Variants in CPE observed in about 807,000 individuals in gnomAD.
CPE encodes carboxypeptidase E.
A neutral mutation model predicts 53.5 loss-of-function variants in CPE; 17 were observed. The ratio of observed to expected loss-of-function variants is 0.32; its 90% confidence interval spans 0.22 to 0.48. The LOEUF is 0.48. CPE is among the 20% of genes least tolerant of loss of function. The pLI, the probability that CPE is intolerant of heterozygous loss-of-function variation, is 0.99. For synonymous variants in CPE, 226 were observed against 228.8 expected, an observed-to-expected ratio of 0.99 and a Z score of 0.11; for missense variants, 524 against 614.7, an observed-to-expected ratio of 0.85 and a Z score of 1.56.
chr4:165,466,151 T>C (rs1438115), intron 2 of CPE, among the ~76,000 whole-genome samples: 4,028 of 152,266 alleles, frequency 0.026, 186 homozygotes, highest in African/African-American at 0.093. Context: ...TGGTGTAGCC[T>C]ACTACACACC....
intron 1 of CPE, among the ~76,000 whole-genome samples, chr4:165,452,516 C>T (rs1483611849): frequency 2.6e-5 from 4 of 151,984 alleles, no homozygotes; most frequent in African/African-American, 9.7e-5. Flanking sequence ...CTGATTCTGA[C>T]TTATAAATGT....
intron 1 of CPE, among the ~76,000 whole-genome samples, chr4:165,463,339 A>T (rs927862006): frequency 2.0e-5 from 3 of 152,246 alleles, no homozygotes; most frequent in African/African-American, 7.2e-5. Flanking sequence ...GGAAACATAT[A>T]GCACTTGCTA....
intron 1 of CPE, among the ~76,000 whole-genome samples, chr4:165,460,513 T>C (rs1224660523): frequency 1.3e-5 from 2 of 152,198 alleles, no homozygotes; most frequent in African/African-American, 4.8e-5. Flanking sequence ...CTAGAGCCTG[T>C]TGGCTAGAGC....
At chr4:165,493,390 T>G in intron 7 of CPE, 120 bp downstream of exon 7, 1 of 700,332 alleles carries the variant, frequency 1.4e-6, no homozygotes, top group Non-Finnish European at 2.3e-6. Context: ...TCTACAGCGT[T>G]TCTCAGCTTT....
chr4:165,478,784 T>C (rs1326410863), intron 3 of CPE, among the ~76,000 whole-genome samples: 1 of 152,230 alleles, frequency 6.6e-6, no homozygotes, highest in Non-Finnish European at 1.5e-5. Flanking sequence ...TGGCTTTGCC[T>C]CCTAACTCCC....
chr4:165,407,019 G>A (rs1730964577), intron 1 of CPE, among the ~76,000 whole-genome samples: 1 of 152,072 alleles, frequency 6.6e-6, no homozygotes, highest in Non-Finnish European at 1.5e-5. Context: ...TCAATTTTTT[G>A]TCTATCATGA....
intron 3 of CPE, among the ~76,000 whole-genome samples, chr4:165,479,352 C>G (rs1266244748): frequency 2.0e-5 from 3 of 152,046 alleles, no homozygotes; most frequent in Non-Finnish European, 4.4e-5. Flanking sequence ...TGAGACAAAT[C>G]CATCTCATAA....
intron 1 of CPE, among the ~76,000 whole-genome samples, chr4:165,441,480 G>C (rs1401745429): frequency 3.9e-5 from 6 of 152,030 alleles, no homozygotes; most frequent in African/African-American, 7.2e-5. Flanking sequence ...TGGGGTTTTG[G>C]GGGCTCTCTC....
At chr4:165,470,528 G>A (rs184637167) in intron 3 of CPE, among the ~76,000 whole-genome samples, 1 of 152,270 alleles carries the variant, frequency 6.6e-6, no homozygotes, top group East Asian at 1.9e-4. Flanking sequence ...CGTCTTATCA[G>A]GAAGCCGATC....
At chr4:165,387,607 A>G (rs919512658) in intron 1 of CPE, among the ~76,000 whole-genome samples, 3 of 151,796 alleles carry the variant, frequency 2.0e-5, no homozygotes, top group Non-Finnish European at 4.4e-5. Flanking sequence ...TCGGGAGTTC[A>G]AGACCAGCCT....
chr4:165,389,117 G>T (rs1156732593), intron 1 of CPE, among the ~76,000 whole-genome samples: 2 of 152,068 alleles, frequency 1.3e-5, no homozygotes, highest in Admixed American at 1.3e-4. Flanking sequence ...TAAAAATATA[G>T]AGATAGATAA....
chr4:165,486,514 C>T (rs776986579), intron 5 of CPE, among the ~76,000 whole-genome samples: 1 of 152,138 alleles, frequency 6.6e-6, no homozygotes, highest in Admixed American at 6.5e-5. Flanking sequence ...AACTGGGTCA[C>T]ACAAACCTGC....
intron 1 of CPE, among the ~76,000 whole-genome samples, chr4:165,382,731 C>G (rs1730522750): frequency 6.6e-6 from 1 of 152,182 alleles, no homozygotes; most frequent in Admixed American, 6.5e-5. Context: ...TTTGTTGATA[C>G]AATTAGCTCT....
At position 165,400,271 on chromosome 4, in the gene CPE, C is replaced by A. The variant is rs968062015; in HGVS notation, c.307+20743C>A. Reference sequence around the variant, plus strand: ...GAGGAAAAGATTTAGGAATCACTTGCATGACTGGTGAGGGTGAAAATGGTG... The same window carrying A: ...GAGGAAAAGATTTAGGAATCACTTGAATGACTGGTGAGGGTGAAAATGGTG... On this transcript the variant is annotated intron_variant, in intron 1 of 8. Coordinates refer to ENST00000402744, the MANE Select transcript of CPE (RefSeq NM_001873.4). 5.3e-5 allele frequency among the ~76,000 whole-genome samples: 8 copies of A among 152,152 alleles called. 1 individual carries two copies. The highest frequency in any genetic ancestry group is 5.2e-4 in the Admixed American group (8 of 15,284).
At chr4:165,420,021 T>C (rs941938086) in intron 1 of CPE, among the ~76,000 whole-genome samples, 3 of 152,202 alleles carry the variant, frequency 2.0e-5, no homozygotes, top group South Asian at 2.1e-4. Context: ...GATATATGCA[T>C]ACATAATTGC....
chr4:165,428,241 T>C lies in CPE; in HGVS notation c.308-36149T>C, dbSNP rs1441763938. On this transcript the variant is annotated intron_variant, in intron 1 of 8. Coordinates refer to ENST00000402744, the MANE Select transcript of CPE (RefSeq NM_001873.4). ...TTAATTTTTAAACTTTTTTCATTTT[T>C]TGTAGGGGTCTCACTTTGTTGACTC... Among the ~76,000 whole-genome samples, 4 of 152,256 alleles carry C rather than the reference T, an allele frequency of 2.6e-5. No homozygotes were observed. In the East Asian group the frequency reaches 7.7e-4, roughly 29 times the overall value.
At chr4:165,415,627 TAAATGATGTAG>T (rs1731107566) in intron 1 of CPE, among the ~76,000 whole-genome samples, 3 of 152,296 alleles carry the variant, frequency 2.0e-5, no homozygotes, top group Admixed American at 2.0e-4. Flanking sequence ...GTGTATAATT[TAAATGATGTAG>T]AAATATAGAG....
In CPE at chr4:165,413,867, A is replaced by G. The variant is rs549644223; in HGVS notation, c.307+34339A>G. 2.6e-5 allele frequency among the ~76,000 whole-genome samples: 4 copies of G among 152,300 alleles called. No homozygotes were observed. The East Asian group carries it at 7.7e-4, about 29-fold the overall frequency. On this transcript the variant is annotated intron_variant, in intron 1 of 8. Coordinates refer to ENST00000402744, the MANE Select transcript of CPE (RefSeq NM_001873.4). ...TTATCTTTCTGGAAATGTTTAGTCAAAGGTCTTCTGAGCATGGAGATACAG... is the reference window on the plus strand; with the variant it reads ...TTATCTTTCTGGAAATGTTTAGTCAGAGGTCTTCTGAGCATGGAGATACAG...
chr4:165,469,353 A>T (rs1732161735), intron 3 of CPE, among the ~76,000 whole-genome samples: 10 of 152,002 alleles, frequency 6.6e-5, no homozygotes, highest in Admixed American at 6.6e-4. Flanking sequence ...GCAAAGTACC[A>T]TTTCTCCATT....
Sources: allele counts gnomAD v4.1 joint callset (sites outside exome capture counted in the v4.1 genomes callset), GRCh38; gene constraint gnomAD v4.1.1; transcripts MANE v1.5; gene names NCBI Gene and HGNC (gene_info 2026-07-23, HGNC 2026-07-21).